The following UVRAG variants were observed in gnomAD, a reference collection of about 807,000 sequenced individuals.
UVRAG encodes the protein UV radiation resistance-associated gene protein.
Under a neutral mutation model 78.0 loss-of-function variants are expected in UVRAG, and 19 were observed. That is an observed-to-expected ratio of 0.24 (90% CI 0.17 to 0.36). UVRAG has a LOEUF of 0.36. Ranked by LOEUF, UVRAG falls within the 10% of genes least tolerant of loss-of-function variation. UVRAG has a pLI of 1.00. For missense variants in UVRAG, 740 were observed against 853.8 expected, an observed-to-expected ratio of 0.87 and a Z score of 1.66; for synonymous variants, 323 against 324.6, an observed-to-expected ratio of 1.00 and a Z score of 0.05.
chr11:76,113,869 A>G (rs932107139), intron 13 of UVRAG, among the ~76,000 whole-genome samples: 4 of 152,112 alleles, frequency 2.6e-5, no homozygotes, highest in South Asian at 2.1e-4. Context: ...AAATAGTACT[A>G]TGCAGCAAAT....
chr11:75,871,447 T>C (rs1005832235), intron 3 of UVRAG, among the ~76,000 whole-genome samples: 2 of 151,216 alleles, frequency 1.3e-5, no homozygotes, highest in Non-Finnish European at 3.0e-5. Context: ...ACCAGGCTAA[T>C]TTTTTTTTGT....
intron 14 of UVRAG, among the ~76,000 whole-genome samples, chr11:76,124,597 C>T (rs1308340347): frequency 6.6e-6 from 1 of 152,242 alleles, no homozygotes; most frequent in Non-Finnish European, 1.5e-5. Context: ...GAGAAGTATC[C>T]TTGGCTGTTC....
chr11:76,116,103 G>T, intron 14 of UVRAG, 88 bp downstream of exon 14: 1 of 1,255,304 alleles, frequency 8.0e-7, no homozygotes, highest in South Asian at 1.3e-5. Flanking sequence ...CTCCACACCT[G>T]CCTCTGAGTT....
intron 5 of UVRAG, among the ~76,000 whole-genome samples, chr11:75,905,467 C>T (rs1413022657): frequency 6.6e-6 from 1 of 152,182 alleles, no homozygotes; most frequent in Non-Finnish European, 1.5e-5. Flanking sequence ...CTCCAAACCC[C>T]TGGCAAACAC....
At chr11:76,077,755 C>G (rs1347883766) in intron 13 of UVRAG, among the ~76,000 whole-genome samples, 3 of 152,136 alleles carry the variant, frequency 2.0e-5, no homozygotes, top group Admixed American at 1.3e-4. Context: ...TTCAGGAGAC[C>G]GTACTTGCTG....
chr11:75,884,703 A>G (rs1947038718), intron 4 of UVRAG, among the ~76,000 whole-genome samples: 1 of 152,104 alleles, frequency 6.6e-6, no homozygotes, highest in Non-Finnish European at 1.5e-5. Flanking sequence ...TTTGTTGAAA[A>G]TCAGTAGTTG....
intron 12 of UVRAG, among the ~76,000 whole-genome samples, chr11:76,017,216 A>C (rs1168572128): frequency 1.3e-5 from 2 of 152,144 alleles, no homozygotes; most frequent in Non-Finnish European, 2.9e-5. Context: ...AATTTACTTA[A>C]GTTTCATTTA....
At chr11:75,977,378 A>G (rs1165869337) in intron 7 of UVRAG, among the ~76,000 whole-genome samples, 2 of 152,168 alleles carry the variant, frequency 1.3e-5, no homozygotes, top group African/African-American at 4.8e-5. Flanking sequence ...GTAGATGTCT[A>G]TTAGGTCTGC....
chr11:75,855,984 T>C (rs1946280668), intron 2 of UVRAG, among the ~76,000 whole-genome samples: 1 of 152,132 alleles, frequency 6.6e-6, no homozygotes, highest in African/African-American at 2.4e-5. Flanking sequence ...TTGGAAATTT[T>C]TATTTTTTAT....
chr11:76,009,414 A>G (rs1382475529), intron 11 of UVRAG, among the ~76,000 whole-genome samples: 2 of 152,184 alleles, frequency 1.3e-5, no homozygotes, highest in Admixed American at 6.5e-5. Context: ...CTATATTTTA[A>G]AATCTTTTGT....
intron 6 of UVRAG, among the ~76,000 whole-genome samples, chr11:75,945,418 A>G (rs1948569461): frequency 6.6e-6 from 1 of 152,170 alleles, no homozygotes; most frequent in African/African-American, 2.4e-5. Context: ...AAATGATTAT[A>G]GATGATATGA....
chr11:75,820,924 A>T (rs1945372152), intron 1 of UVRAG, among the ~76,000 whole-genome samples: 1 of 152,142 alleles, frequency 6.6e-6, no homozygotes, highest in South Asian at 2.1e-4. Context: ...CTGTGATTAA[A>T]TGTGATTAAC....
chr11:76,061,822 CAA>C (rs1951101273), intron 12 of UVRAG, among the ~76,000 whole-genome samples: 1 of 152,182 alleles, frequency 6.6e-6, no homozygotes, highest in South Asian at 2.1e-4. Flanking sequence ...ATTCCGGACT[CAA>C]AATTATATTC....
At chr11:76,073,000 G>A (rs559986954) in intron 13 of UVRAG, among the ~76,000 whole-genome samples, 39 of 152,234 alleles carry the variant, frequency 2.6e-4, no homozygotes, top group African/African-American at 8.9e-4. Flanking sequence ...AAAATTGCTG[G>A]CCACTTAGAA....
chr11:75,965,485 A>T (rs1018611583), intron 7 of UVRAG, among the ~76,000 whole-genome samples: 4 of 152,028 alleles, frequency 2.6e-5, no homozygotes, highest in African/African-American at 9.6e-5. Context: ...TTAATTTTTT[A>T]AAAATATTTT....
intron 2 of UVRAG, among the ~76,000 whole-genome samples, chr11:75,859,988 C>T (rs920869271): frequency 1.3e-5 from 2 of 152,202 alleles, no homozygotes; most frequent in African/African-American, 2.4e-5. Flanking sequence ...TGCTCTCGCT[C>T]AGGCTGAAGT....
chr11:75,859,299 C>T (rs1429726835), intron 2 of UVRAG, among the ~76,000 whole-genome samples: 1 of 151,646 alleles, frequency 6.6e-6, no homozygotes. Context: ...TCACTTGAAC[C>T]CGGGAGGCGG....
intron 12 of UVRAG, among the ~76,000 whole-genome samples, chr11:76,055,398 T>A (rs560787962): frequency 1.9e-4 from 29 of 152,368 alleles, no homozygotes; most frequent in African/African-American, 7.0e-4. Context: ...TGTTTATTTA[T>A]GTTGTATCCC....
chr11:75,940,712 C>G lies in UVRAG; in HGVS notation c.594-20732C>G, dbSNP rs563496892. ...TTATCAAGTGATAAAACTGTAGATG[C>G]TTTTGAAGTATTTAGTTATCAGAAT... On this transcript the variant is annotated intron_variant, in intron 6 of 14. Transcript: ENST00000356136. Among the ~76,000 whole-genome samples the G allele has an allele frequency of 3.3e-5, 5 of 152,190 alleles. No individual in the cohort carries two copies. The East Asian group carries it at 9.6e-4, about 29-fold the overall frequency.
Sources: gnomAD v4.1 joint callset for allele counts (sites outside exome capture counted in the v4.1 genomes callset) on GRCh38, gnomAD v4.1.1 for gene constraint, MANE v1.5 for transcripts, NCBI Gene and HGNC (gene_info 2026-07-23, HGNC 2026-07-21) for gene names.